The following CLDN18 variants were observed in gnomAD, a reference collection of about 807,000 sequenced individuals.
CLDN18 encodes claudin 18.
Under a neutral mutation model 25.0 loss-of-function variants are expected in CLDN18, and 20 were observed. That is an observed-to-expected ratio of 0.80 (90% CI 0.56 to 1.16). The LOEUF is 1.16. CLDN18 is among the 50% of genes most tolerant of loss of function. CLDN18 has a pLI of 0.00. For missense variants in CLDN18, 297 were observed against 345.4 expected (o/e 0.86, Z 1.11); for synonymous variants, 125 against 135.6 (o/e 0.92, Z 0.54).
rs899793051 is a variant in CLDN18, at chr3:138,029,686, T to G, written c.504-111T>G. ...GTGTGTTCAGGGGCATGGTCAGGGA[T>G]GGATGTGGAATCCAAAAGTGGGGAC... On this transcript the variant is annotated intron_variant, in intron 3 of 4. Transcript: ENST00000183605. 6.2e-6 allele frequency: 4 copies of G among 648,000 alleles called. No homozygotes were observed. The African/African-American group carries it at 7.4e-5, about 12-fold the overall frequency. 40.1% of individuals were successfully genotyped at this position (648,000 alleles called of 1,614,324 possible). A position where few individuals can be genotyped will look rare whatever the true frequency, so the allele number is the denominator to read the frequency against.
intron 1 of CLDN18, among the ~76,000 whole-genome samples, chr3:138,014,400 G>T (rs1156742498): frequency 6.6e-6 from 1 of 152,146 alleles, no homozygotes; most frequent in Non-Finnish European, 1.5e-5. Context: ...CTCTGTCGGT[G>T]GTAAGATTGT....
chr3:138,015,762 C>A (rs80124999), intron 1 of CLDN18, among the ~76,000 whole-genome samples: 2,126 of 152,272 alleles, frequency 0.014, 37 homozygotes, highest in African/African-American at 0.048. Context: ...TTATAATAAT[C>A]ATTGCCAGTT....
chr3:138,030,293 G>T (rs1339029439), intron 4 of CLDN18, among the ~76,000 whole-genome samples: 2 of 152,252 alleles, frequency 1.3e-5, no homozygotes, highest in African/African-American at 4.8e-5. Flanking sequence ...AGAGGCCAGG[G>T]ATGCTGCTGA....
At chr3:138,025,738 T>G (rs1942319614) in intron 3 of CLDN18, among the ~76,000 whole-genome samples, 1 of 152,228 alleles carries the variant, frequency 6.6e-6, no homozygotes, top group South Asian at 2.1e-4. Context: ...CCTGGGACTT[T>G]CCCAGTTTTA....
intron 1 of CLDN18, among the ~76,000 whole-genome samples, chr3:138,017,689 TTATAAG>T (rs1314244038): frequency 6.6e-6 from 1 of 152,252 alleles, no homozygotes; most frequent in Admixed American, 6.5e-5. Context: ...GGTGAAGTGA[TTATAAG>T]TTAGTTATAA....
At chr3:138,010,941 A>G (rs1271355501) in intron 1 of CLDN18, among the ~76,000 whole-genome samples, 1 of 152,212 alleles carries the variant, frequency 6.6e-6, no homozygotes, top group Non-Finnish European at 1.5e-5. Context: ...TTGCCATTAA[A>G]TTATAAATAT....
chr3:138,010,203 C>A lies in CLDN18; in HGVS notation c.-23C>A, dbSNP rs780656234. On this transcript the variant is annotated 5_prime_UTR_variant, in exon 1 of 5. Transcript: ENST00000183605. ...CAGGAGGGCGGCAGCTTCTCGCAGG[C>A]GGCAGGGCGGGCGGCCAGGATCATG... is the stretch of plus-strand genomic sequence containing the variant. 6.2e-7 allele frequency: 1 copy of A among 1,606,574 alleles called. No homozygotes were observed. Among genetic ancestry groups the A allele is most frequent in the Admixed American group, 1.7e-5 (1 of 59,490 alleles).
intron 1 of CLDN18, among the ~76,000 whole-genome samples, chr3:138,012,127 G>T (rs1344773841): frequency 6.6e-6 from 1 of 152,040 alleles, no homozygotes; most frequent in Non-Finnish European, 1.5e-5. Context: ...TCCTTCCTGG[G>T]GAAATCTGTT....
At chr3:138,013,938 CA>C (rs1359031961) in intron 1 of CLDN18, among the ~76,000 whole-genome samples, 2 of 145,814 alleles carry the variant, frequency 1.4e-5, no homozygotes, top group Non-Finnish European at 3.0e-5. Context: ...TAAATTTCTG[CA>C]ATGTAAAAAT....
chr3:138,029,830 G>T lies in CLDN18; in HGVS notation c.537G>T (p.Trp179Cys). The change falls in exon 4 of 5, where the codon TGG (tryptophan) becomes TGT (cysteine). Residue 179 changes from tryptophan to cysteine, a missense_variant. By Grantham distance (215) the Trp-to-Cys change is radical (BLOSUM62 -2). Transcript: ENST00000183605. The stretch of plus-strand genomic sequence containing the variant: ...TTGGTGCGGCTCTGTTCGTGGGCTG[G>T]GTCGCTGGAGGCCTCACACTAATTG... ...YTFGAALFVG[W>C]VAGGLTLIGG... The T allele has an allele frequency of 6.3e-7, 1 of 1,591,202 alleles. No individual in the cohort carries two copies. The highest frequency in any genetic ancestry group is 8.5e-7 in the Non-Finnish European group (1 of 1,169,950).
intron 1 of CLDN18, among the ~76,000 whole-genome samples, chr3:138,010,741 C>T (rs1942128426): frequency 6.6e-6 from 1 of 152,160 alleles, no homozygotes; most frequent in Admixed American, 6.5e-5. Context: ...TCGTGTTTCT[C>T]AAGGAGAAAA....
chr3:138,023,696 A>G lies in CLDN18; in HGVS notation c.259A>G (p.Ile87Val), dbSNP rs767157044. The G allele has an allele frequency of 7.4e-6, 12 of 1,613,988 alleles. No individual in the cohort carries two copies. The highest frequency in any genetic ancestry group is 1.6e-4 in the Middle Eastern group (1 of 6,084). Residue 87 changes from isoleucine to valine, a missense_variant, in exon 2 of 5, where the codon ATC becomes GTC. By Grantham distance (29) the Ile-to-Val change is conservative (BLOSUM62 3). Coordinates refer to ENST00000183605, the MANE Select transcript of CLDN18 (RefSeq NM_016369.4). ...QAVRALMIVG[I>V]VLGAIGLLVS... The stretch of plus-strand genomic sequence containing the variant: ...AGTGCGAGCCCTGATGATCGTAGGC[A>G]TCGTCCTGGGTGCCATTGGCCTCCT...
intron 1 of CLDN18, among the ~76,000 whole-genome samples, chr3:138,011,592 G>C (rs1297937040): frequency 6.6e-6 from 1 of 152,196 alleles, no homozygotes; most frequent in Admixed American, 6.5e-5. Context: ...GAGGGATTAT[G>C]CTGTAGTGGG....
In CLDN18 at chr3:138,016,144, T is replaced by G. The variant is rs189614659; in HGVS notation, c.220+5699T>G. Reference sequence around the variant, plus strand: ...TTTACAAAAATCAGGAAAATATGTATTAGCTTTAGGTTTAAAAAGTTGAAA... The same window carrying G: ...TTTACAAAAATCAGGAAAATATGTAGTAGCTTTAGGTTTAAAAAGTTGAAA... On this transcript the variant is annotated intron_variant, in intron 1 of 4. Coordinates refer to ENST00000183605, the MANE Select transcript of CLDN18 (RefSeq NM_016369.4). Among the ~76,000 whole-genome samples, 93 of 152,314 alleles carry G rather than the reference T, an allele frequency of 6.1e-4. 1 individual carries two copies. The East Asian group carries it at 0.016, about 27-fold the overall frequency.
intron 1 of CLDN18, among the ~76,000 whole-genome samples, chr3:138,022,373 C>G (rs2107886297): frequency 6.6e-6 from 1 of 152,292 alleles, no homozygotes; most frequent in South Asian, 2.1e-4. Flanking sequence ...GGCCCACAAA[C>G]TATGTGTTAC....
At chr3:138,023,204 A>T (rs972323462) in intron 1 of CLDN18, among the ~76,000 whole-genome samples, 1 of 152,256 alleles carries the variant, frequency 6.6e-6, no homozygotes, top group African/African-American at 2.4e-5. Flanking sequence ...GGACACAACT[A>T]TGTGAAACTT....
intron 1 of CLDN18, among the ~76,000 whole-genome samples, chr3:138,001,903 TAAAAC>T (rs1158771384): frequency 6.6e-6 from 1 of 152,096 alleles, no homozygotes; most frequent in Non-Finnish European, 1.5e-5. Flanking sequence ...GTAAGATACA[TAAAAC>T]TAAAAAACTA....
intron 3 of CLDN18, among the ~76,000 whole-genome samples, chr3:138,026,205 G>A (rs1942325583): frequency 6.6e-6 from 1 of 152,118 alleles, no homozygotes; most frequent in Admixed American, 6.5e-5. Context: ...CCCCGACTCT[G>A]TTATTGCCGT....
At chr3:138,026,530 A>C (rs563703771) in intron 3 of CLDN18, among the ~76,000 whole-genome samples, 98 of 152,300 alleles carry the variant, frequency 6.4e-4, no homozygotes, top group Non-Finnish European at 1.4e-3. Context: ...CTGTAGTCCC[A>C]GCTACTTGGG....
Sources: gnomAD v4.1 joint callset for allele counts (sites outside exome capture counted in the v4.1 genomes callset) on GRCh38, gnomAD v4.1.1 for gene constraint, MANE v1.5 for transcripts, NCBI Gene and HGNC (gene_info 2026-07-23, HGNC 2026-07-21) for gene names.